The following MACROD2 variants were observed in gnomAD, a reference collection of about 807,000 sequenced individuals.
MACROD2 encodes the protein ADP-ribose glycohydrolase MACROD2.
MACROD2 carries 36 observed loss-of-function variants against 70.4 expected under a neutral mutation model. That is an observed-to-expected ratio of 0.51 (90% CI 0.39 to 0.68). The LOEUF (loss-of-function observed/expected upper bound fraction) is 0.68. Among genes scored for constraint, MACROD2 ranks in the 30% least tolerant of loss-of-function variants. The pLI, the probability that MACROD2 is intolerant of heterozygous loss-of-function variation, is 0.00. For synonymous variants in MACROD2, 172 were observed against 178.8 expected (o/e 0.96, Z 0.30); for missense variants, 496 against 538.4 (o/e 0.92, Z 0.78).
chr20:14,071,121 G>A (rs1316278784), intron 2 of MACROD2, among the ~76,000 whole-genome samples: 2 of 151,954 alleles, frequency 1.3e-5, no homozygotes, highest in East Asian at 3.9e-4. Context: ...ATTTTAAAAC[G>A]ATATTTAAGA....
chr20:15,797,528 AT>A (rs11477070), intron 8 of MACROD2, among the ~76,000 whole-genome samples: 43,166 of 151,942 alleles, frequency 0.28, 6,608 homozygotes, highest in East Asian at 0.44. Context: ...TCGGATGGTC[AT>A]TTTTTATCAG....
Position 14,435,508 on chromosome 20 carries a change from C to T in MACROD2, c.272-57971C>T, listed in dbSNP as rs1029266807. Among the ~76,000 whole-genome samples, 6 of 152,050 alleles carry T rather than the reference C, an allele frequency of 3.9e-5. No homozygotes were observed. The South Asian group carries it at 6.2e-4, about 16-fold the overall frequency. On this transcript the variant is annotated intron_variant, in intron 3 of 17. Coordinates refer to ENST00000684519, the MANE Select transcript of MACROD2 (RefSeq NM_001351661.2). ...TAGTGGAGGTATGATATAATATTCT[C>T]GACCAGATGCCAATTTTACCACTAA...
At chr20:14,415,831 A>G (rs2083797797) in intron 3 of MACROD2, among the ~76,000 whole-genome samples, 1 of 152,206 alleles carries the variant, frequency 6.6e-6, no homozygotes, top group Non-Finnish European at 1.5e-5. Context: ...AAGATAGCTT[A>G]ATTACATGAT....
At chr20:15,395,616 A>T (rs2045850366) in intron 6 of MACROD2, among the ~76,000 whole-genome samples, 1 of 152,208 alleles carries the variant, frequency 6.6e-6, no homozygotes, top group Non-Finnish European at 1.5e-5. Context: ...CTGTGTTCCA[A>T]TAAAACTTTA....
intron 9 of MACROD2, among the ~76,000 whole-genome samples, chr20:15,876,359 C>T (rs1052293738): frequency 6.6e-6 from 1 of 151,896 alleles, no homozygotes; most frequent in African/African-American, 2.4e-5. Flanking sequence ...TGAGAATATG[C>T]AGTGTTTGTT....
At chr20:15,885,561 G>C (rs981032534) in intron 9 of MACROD2, among the ~76,000 whole-genome samples, 1 of 151,992 alleles carries the variant, frequency 6.6e-6, no homozygotes, top group African/African-American at 2.4e-5. Flanking sequence ...TAAACTCTAG[G>C]CTTTAAATTG....
chr20:15,636,907 CAG>C (rs2049379023), intron 8 of MACROD2, among the ~76,000 whole-genome samples: 1 of 152,076 alleles, frequency 6.6e-6, no homozygotes, highest in Admixed American at 6.5e-5. Flanking sequence ...ATGGAAGTTA[CAG>C]AGAGGTAAGA....
intron 3 of MACROD2, among the ~76,000 whole-genome samples, chr20:14,109,371 C>T (rs1052836047): frequency 1.3e-5 from 2 of 151,032 alleles, no homozygotes; most frequent in African/African-American, 4.9e-5. Context: ...CAAATAAAAC[C>T]CAAAATTAAT....
In MACROD2 at chr20:15,042,346, A is replaced by C. The variant is rs914709861; in HGVS notation, c.419-187594A>C. On this transcript the variant is annotated intron_variant, in intron 5 of 17. Coordinates refer to ENST00000684519, the MANE Select transcript of MACROD2 (RefSeq NM_001351661.2). ...AAGGGAGGTGGAATCTGTGTGGAAG[A>C]AACAGTAATATAAAAATAATGGTAC... 1.4e-4 allele frequency among the ~76,000 whole-genome samples: 21 copies of C among 152,308 alleles called. No homozygotes were observed. In the East Asian group the frequency reaches 4.1e-3, roughly 29 times the overall value.
chr20:15,512,349 A>G (rs1168399180), intron 8 of MACROD2, among the ~76,000 whole-genome samples: 1 of 152,260 alleles, frequency 6.6e-6, no homozygotes, highest in African/African-American at 2.4e-5. Flanking sequence ...GGATTTTAGT[A>G]TATTCCCAAT....
At position 14,962,790 on chromosome 20, in the gene MACROD2, G is replaced by A. The variant is rs531464356; in HGVS notation, c.419-267150G>A. On this transcript the variant is annotated intron_variant, in intron 5 of 17. Coordinates refer to ENST00000684519, the MANE Select transcript of MACROD2 (RefSeq NM_001351661.2). ...CCTCCTCACCAATGCTCTTTCTCTCGTCTGTCCACTTTCCTCTCTCCATAT... is the reference window on the plus strand; with the variant it reads ...CCTCCTCACCAATGCTCTTTCTCTCATCTGTCCACTTTCCTCTCTCCATAT... 1.4e-3 allele frequency among the ~76,000 whole-genome samples: 200 copies of A among 142,884 alleles called. 1 individual carries two copies. The highest frequency in any genetic ancestry group is 4.9e-3 in the African/African-American group (189 of 38,422). 93.7% of individuals were successfully genotyped at this position (142,884 alleles called of 152,430 possible). A position where few individuals can be genotyped will look rare whatever the true frequency, so the allele number is the denominator to read the frequency against.
chr20:15,943,105 A>G (rs1274641278), intron 12 of MACROD2, among the ~76,000 whole-genome samples: 1 of 152,114 alleles, frequency 6.6e-6, no homozygotes, highest in Non-Finnish European at 1.5e-5. Flanking sequence ...GGAAAAGGGG[A>G]AAGCTAGAGC....
chr20:14,485,638 T>A (rs994405392), intron 3 of MACROD2, among the ~76,000 whole-genome samples: 51 of 115,154 alleles, frequency 4.4e-4, no homozygotes, highest in Non-Finnish European at 8.8e-4. Context: ...GAGGCGGAGC[T>A]TGCAGTGAGC....
chr20:14,073,380 A>G (rs1444198402), intron 2 of MACROD2, among the ~76,000 whole-genome samples: 2 of 152,182 alleles, frequency 1.3e-5, no homozygotes, highest in Non-Finnish European at 2.9e-5. Flanking sequence ...TAAAATGAGC[A>G]CTTATCAACA....
At chr20:14,959,749 C>G (rs1378294437) in intron 5 of MACROD2, among the ~76,000 whole-genome samples, 1 of 152,168 alleles carries the variant, frequency 6.6e-6, no homozygotes, top group Non-Finnish European at 1.5e-5. Context: ...TTTGTAAGCC[C>G]TATTCCATCT....
intron 1 of MACROD2, among the ~76,000 whole-genome samples, chr20:13,999,410 T>C (rs890303527): frequency 1.3e-5 from 2 of 152,244 alleles, no homozygotes; most frequent in African/African-American, 2.4e-5. Context: ...CATGATAGTA[T>C]TCATGTAAGA....
chr20:15,331,072 G>T (rs945875691), intron 6 of MACROD2, among the ~76,000 whole-genome samples: 1 of 148,626 alleles, frequency 6.7e-6, no homozygotes, highest in Admixed American at 6.7e-5. Flanking sequence ...ACTAGACAAG[G>T]TTGTTAATAT....
At chr20:14,079,739 A>C (rs191571582) in intron 2 of MACROD2, among the ~76,000 whole-genome samples, 61 of 152,338 alleles carry the variant, frequency 4.0e-4, no homozygotes, top group African/African-American at 1.4e-3. Context: ...GATGCATTGA[A>C]TCAGATACGT....
chr20:14,146,317 C>T (rs1255891977), intron 3 of MACROD2, among the ~76,000 whole-genome samples: 1 of 151,646 alleles, frequency 6.6e-6, no homozygotes, highest in African/African-American at 2.4e-5. Flanking sequence ...AGACCTCCGC[C>T]TCAGGAAAAA....
Sources: gnomAD v4.1 joint callset for allele counts (sites outside exome capture counted in the v4.1 genomes callset) on GRCh38, gnomAD v4.1.1 for gene constraint, MANE v1.5 for transcripts, NCBI Gene and HGNC (gene_info 2026-07-23, HGNC 2026-07-21) for gene names.